Variants in SNW1 observed in about 807,000 individuals in gnomAD.
SNW1 encodes the protein SNW domain containing 1.
Under a neutral mutation model 75.6 loss-of-function variants are expected in SNW1, and 9 were observed. The observed-to-expected ratio is 0.12, with a 90% CI of 0.07 to 0.21. The LOEUF is 0.21. SNW1 is among the 10% of genes least tolerant of loss of function. SNW1 has a pLI of 1.00. For missense variants in SNW1, 409 were observed against 670.9 expected, an observed-to-expected ratio of 0.61 and a Z score of 4.31; for synonymous variants, 200 against 219.1, an observed-to-expected ratio of 0.91 and a Z score of 0.77.
At chr14:77,751,244 G>C (rs1164275031) in intron 3 of SNW1, 75 bp downstream of exon 3, 1 of 1,411,216 alleles carries the variant, frequency 7.1e-7, no homozygotes, top group East Asian at 2.3e-5. Context: ...CAAACAGCAA[G>C]AGATTTATCG....
intron 8 of SNW1, among the ~76,000 whole-genome samples, chr14:77,734,433 C>T (rs1446754676): frequency 6.6e-6 from 1 of 152,166 alleles, no homozygotes; most frequent in Non-Finnish European, 1.5e-5. Context: ...CTGCTAGCTA[C>T]AATTCACTAA....
At chr14:77,750,777 G>A (rs1488751279) in intron 3 of SNW1, among the ~76,000 whole-genome samples, 2 of 152,054 alleles carry the variant, frequency 1.3e-5, no homozygotes, top group African/African-American at 2.4e-5. Flanking sequence ...GGATTACTTC[G>A]TAGCAGGGCC....
At chr14:77,760,049 G>A (rs958238898) in intron 1 of SNW1, among the ~76,000 whole-genome samples, 1 of 151,948 alleles carries the variant, frequency 6.6e-6, no homozygotes, top group Non-Finnish European at 1.5e-5. Context: ...AATTCTTTTT[G>A]CACTAAGGTT....
chr14:77,750,912 T>A (rs1411206918), intron 3 of SNW1, among the ~76,000 whole-genome samples: 1 of 152,162 alleles, frequency 6.6e-6, no homozygotes, highest in Non-Finnish European at 1.5e-5. Flanking sequence ...GTACTCTAAG[T>A]ACATGGAGGA....
chr14:77,751,391 C>T lies in SNW1; in HGVS notation c.258G>A (p.Leu86=). 1 of 1,613,818 alleles carries T rather than the reference C, an allele frequency of 6.2e-7. No homozygotes were observed. The highest frequency in any genetic ancestry group is 8.5e-7 in the Non-Finnish European group (1 of 1,179,852). ...TTCCTTCAGAATCCACCTGAATGGC[C>T]AGCGCATTCGACATTTTTTTCTTTC... is the stretch of plus-strand genomic sequence containing the variant. The part of the protein sequence containing the change: ...MGRKKKMSNA[L]AIQVDSEGKI... Residue 86 remains leucine, a synonymous_variant, in exon 3 of 14, where the codon CTG becomes CTA. Coordinates refer to ENST00000261531, the MANE Select transcript of SNW1 (RefSeq NM_012245.3).
Position 77,759,057 on chromosome 14 carries a change from G to C in SNW1, c.14+2057C>G, listed in dbSNP as rs181187425. ...ATCTTCAGGTTCAACTAATTTGCTA[G>C]GGCAGCTCACAGAACTCAGGGAAAT... On this transcript the variant is annotated intron_variant, in intron 1 of 13. Coordinates refer to ENST00000261531, the MANE Select transcript of SNW1 (RefSeq NM_012245.3). Among the ~76,000 whole-genome samples the C allele has an allele frequency of 4.6e-5, 7 of 152,320 alleles. 1 individual carries two copies. Among genetic ancestry groups the C allele is most frequent in the Admixed American group, 1.3e-4 (2 of 15,306 alleles).
intron 3 of SNW1, among the ~76,000 whole-genome samples, chr14:77,750,766 T>C (rs1448395997): frequency 1.3e-5 from 2 of 152,216 alleles, no homozygotes; most frequent in Non-Finnish European, 2.9e-5. Context: ...TTTTGGCCTA[T>C]GGATTACTTC....
intron 9 of SNW1, among the ~76,000 whole-genome samples, chr14:77,731,663 A>AT (rs913587781): frequency 1.6e-4 from 24 of 152,100 alleles, no homozygotes; most frequent in African/African-American, 5.6e-4. Context: ...TACAAAAGAC[A>AT]TTTTTTTTAT....
At chr14:77,747,199 G>A (rs949833394) in intron 3 of SNW1, among the ~76,000 whole-genome samples, 6 of 152,290 alleles carry the variant, frequency 3.9e-5, no homozygotes, top group East Asian at 3.9e-4. Context: ...GATTGCAGAC[G>A]GAGTCTCACT....
At chr14:77,739,243 G>A (rs1414531513) in intron 3 of SNW1, among the ~76,000 whole-genome samples, 182 bp from the exon 4 acceptor site, 1 of 152,214 alleles carries the variant, frequency 6.6e-6, no homozygotes, top group Non-Finnish European at 1.5e-5. Flanking sequence ...TACCCTGGCT[G>A]TAAGTTAGTA....
chr14:77,741,473 CTTGT>C (rs1404970033), intron 3 of SNW1, among the ~76,000 whole-genome samples: 3 of 152,134 alleles, frequency 2.0e-5, no homozygotes, highest in African/African-American at 7.2e-5. Context: ...AAATCTCCAG[CTTGT>C]TTTTCTCAGG....
intron 8 of SNW1, chr14:77,733,799 A>G (rs1410731242): frequency 1.0e-5 from 2 of 193,130 alleles, no homozygotes; most frequent in African/African-American, 2.4e-5. Context: ...AATGTTTGCT[A>G]AACAACTGAA....
intron 8 of SNW1, among the ~76,000 whole-genome samples, chr14:77,734,594 C>T (rs767793961): frequency 2.0e-5 from 3 of 152,248 alleles, no homozygotes; most frequent in Admixed American, 6.5e-5. Flanking sequence ...AAAAATTAGC[C>T]GGACGTGGTG....
intron 8 of SNW1, 92 bp downstream of exon 8, chr14:77,734,855 T>C (rs2080658147): frequency 1.2e-6 from 1 of 809,316 alleles, no homozygotes; most frequent in South Asian, 1.7e-5. Flanking sequence ...AAACCACGTG[T>C]TGTTTCAACT....
chr14:77,751,833 CA>C (rs1205372632), intron 2 of SNW1, among the ~76,000 whole-genome samples: 21 of 123,962 alleles, frequency 1.7e-4, no homozygotes, highest in Middle Eastern at 4.2e-3. Flanking sequence ...CACACACACA[CA>C]CACACACACA....
chr14:77,740,007 G>A (rs1026881447), intron 3 of SNW1, among the ~76,000 whole-genome samples: 9 of 151,708 alleles, frequency 5.9e-5, no homozygotes, highest in South Asian at 2.1e-4. Flanking sequence ...GGTGGCAGGC[G>A]CCTGTAGTCC....
intron 10 of SNW1, 92 bp downstream of exon 10, chr14:77,730,896 C>A: frequency 1.5e-6 from 2 of 1,368,630 alleles, no homozygotes; most frequent in South Asian, 1.4e-5. Context: ...TTTATATGTA[C>A]CTACTTTATA....
intron 8 of SNW1, among the ~76,000 whole-genome samples, chr14:77,733,751 A>AAC (rs1233707225): frequency 6.7e-6 from 1 of 149,890 alleles, no homozygotes; most frequent in Non-Finnish European, 1.5e-5. Context: ...TCAAAAAAAA[A>AAC]AAAAAAAAAA....
chr14:77,721,505 T>G (rs1031315810), intron 11 of SNW1, among the ~76,000 whole-genome samples: 11 of 152,200 alleles, frequency 7.2e-5, no homozygotes, highest in Admixed American at 3.9e-4. Context: ...ATAGCCACTT[T>G]ACTCGTTTTG....
Sources: gnomAD v4.1 joint callset for allele counts (sites outside exome capture counted in the v4.1 genomes callset) on GRCh38, gnomAD v4.1.1 for gene constraint, MANE v1.5 for transcripts, NCBI Gene and HGNC (gene_info 2026-07-23, HGNC 2026-07-21) for gene names.